The following TSKU variants were observed in gnomAD, a reference collection of about 807,000 sequenced individuals.
The protein encoded by TSKU is tsukushi, small leucine rich proteoglycan, also known as tsukushi.
In TSKU, 4 loss-of-function variants were observed where a neutral mutation model predicts 11.2. The ratio of observed to expected loss-of-function variants is 0.36; its 90% confidence interval spans 0.18 to 0.82. TSKU has a LOEUF of 0.82. Ranked by LOEUF, TSKU falls within the 40% of genes least tolerant of loss-of-function variation. The pLI is 0.50. For synonymous variants in TSKU, 220 were observed against 232.2 expected, an observed-to-expected ratio of 0.95 and a Z score of 0.48; for missense variants, 407 against 482.5, an observed-to-expected ratio of 0.84 and a Z score of 1.47.
intron 1 of TSKU, among the ~76,000 whole-genome samples, chr11:76,791,207 T>C (rs957263766): frequency 6.6e-6 from 1 of 152,234 alleles, no homozygotes; most frequent in Admixed American, 6.5e-5. Flanking sequence ...ACCTGGGTGC[T>C]GTTAAAGGCA....
chr11:76,794,708 G>A (rs1374891269), intron 1 of TSKU, among the ~76,000 whole-genome samples: 2 of 152,168 alleles, frequency 1.3e-5, no homozygotes, highest in Non-Finnish European at 2.9e-5. Context: ...AAAGAGGCTT[G>A]GGACAGGTGT....
intron 1 of TSKU, among the ~76,000 whole-genome samples, chr11:76,786,902 G>T (rs1300194710): frequency 1.3e-5 from 2 of 152,184 alleles, no homozygotes; most frequent in African/African-American, 4.8e-5. Flanking sequence ...CCTCTGGGAT[G>T]AATTGTGGAT....
At chr11:76,786,910 G>T (rs911136218) in intron 1 of TSKU, among the ~76,000 whole-genome samples, 1 of 152,152 alleles carries the variant, frequency 6.6e-6, no homozygotes, top group African/African-American at 2.4e-5. Context: ...ATGAATTGTG[G>T]ATTCTTCTCC....
chr11:76,790,435 C>T (rs543861470), intron 1 of TSKU, among the ~76,000 whole-genome samples: 56 of 152,322 alleles, frequency 3.7e-4, no homozygotes, highest in Admixed American at 5.9e-4. Context: ...GTGTTTCACA[C>T]GAACGATCTC....
rs573271793 is a variant in TSKU at position 76,784,749 on chromosome 11, G to C, written c.-9+1345G>C. On this transcript the variant is annotated intron_variant, in intron 1 of 1. Coordinates refer to ENST00000333090, the MANE Select transcript of TSKU (RefSeq NM_015516.4). ...AGTGCCTGGGGCTGACCGGAGGTGG[G>C]GGGGGGGGGGTGCTCAGAGCTGCAG... Among the ~76,000 whole-genome samples the C allele has an allele frequency of 1.2e-3, 164 of 134,402 alleles. 2 individuals are homozygous for C. The Middle Eastern group carries it at 0.022, about 18-fold the overall frequency. The allele number at this position is 134,402 out of a possible 152,430, so 88.2% of individuals were successfully genotyped here. A position where few individuals can be genotyped will look rare whatever the true frequency, so the allele number is the denominator to read the frequency against.
At chr11:76,784,756 G>C (rs531106566) in intron 1 of TSKU, among the ~76,000 whole-genome samples, 4 of 144,734 alleles carry the variant, frequency 2.8e-5, no homozygotes, top group East Asian at 2.0e-4. Context: ...TGGGGGGGGG[G>C]GGGTGCTCAG....
intron 1 of TSKU, among the ~76,000 whole-genome samples, chr11:76,789,438 G>A (rs1317089274): frequency 2.0e-5 from 3 of 152,222 alleles, no homozygotes; most frequent in African/African-American, 7.2e-5. Flanking sequence ...AGCAGTGTGT[G>A]CGGTGTCACC....
At chr11:76,794,437 G>C (rs1381476576) in intron 1 of TSKU, among the ~76,000 whole-genome samples, 1 of 152,208 alleles carries the variant, frequency 6.6e-6, no homozygotes, top group Non-Finnish European at 1.5e-5. Flanking sequence ...AGCCCCTCCT[G>C]CACCCTGCCT....
chr11:76,796,329 G>T lies in TSKU; in HGVS notation c.713G>T (p.Ser238Ile). ...LGGLTHLSLA[S>I]LQRLPELAPS... The stretch of plus-strand genomic sequence containing the variant: ...GGCCTTACACACCTGTCTCTGGCCA[G>T]CCTGCAGAGGCTCCCTGAGCTGGCG... The change falls in exon 2 of 2, where the codon AGC becomes ATC. Residue 238 changes from serine (S) to isoleucine (I), a missense_variant. Transcript: ENST00000333090. This position sits in a 1 kb window ranked among gnomAD's most constrained non-coding sequence, Gnocchi z 4.1. 1.2e-6 allele frequency: 2 copies of T among 1,613,362 alleles called. No homozygotes were observed. Among genetic ancestry groups the T allele is most frequent in the Non-Finnish European group, 1.7e-6 (2 of 1,180,014 alleles).
chr11:76,797,024 C>T lies in TSKU; in HGVS notation c.*346C>T, dbSNP rs933281448. 1 of 210,180 alleles carries T rather than the reference C, an allele frequency of 4.8e-6. No homozygotes were observed. The highest frequency in any genetic ancestry group is 1.0e-5 in the Non-Finnish European group (1 of 96,882). The allele number at this position is 210,180 out of a possible 1,614,324, so 13.0% of individuals were successfully genotyped here. A position where few individuals can be genotyped will look rare whatever the true frequency, so the allele number is the denominator to read the frequency against. On this transcript the variant is annotated 3_prime_UTR_variant, in exon 2 of 2. Coordinates refer to ENST00000333090, the MANE Select transcript of TSKU (RefSeq NM_015516.4). ...GCAATGGGCAGAGGGTGGGTGGGAC[C>T]CCCTGCTGCAGGGCAGAGTTCAGGT...
rs547902948 is a variant in TSKU at position 76,788,257 on chromosome 11, G to T, written c.-9+4853G>T. 2.0e-5 allele frequency among the ~76,000 whole-genome samples: 3 copies of T among 152,150 alleles called. No homozygotes were observed. In the East Asian group the frequency reaches 5.8e-4, roughly 29 times the overall value. On this transcript the variant is annotated intron_variant, in intron 1 of 1. Transcript: ENST00000333090. ...GGGGTGCTGGGGCCCTGTACCAGTG[G>T]GGCCCTGTGCCAACAGTGCCCTGTG...
Position 76,790,125 on chromosome 11 carries a change from G to A in TSKU, c.-8-5484G>A, listed in dbSNP as rs140976971. Among the ~76,000 whole-genome samples, 847 of 149,194 alleles carry A rather than the reference G, an allele frequency of 5.7e-3. 4 individuals are homozygous for A. The highest frequency in any genetic ancestry group is 0.02 in the African/African-American group (798 of 40,376). The stretch of plus-strand genomic sequence containing the variant: ...TGCTTTTGTTAAACTTTAAAATCCT[G>A]AAACTCTGGAGTTGGATTATCTAAA... On this transcript the variant is annotated intron_variant, in intron 1 of 1. Transcript: ENST00000333090.
intron 1 of TSKU, among the ~76,000 whole-genome samples, chr11:76,794,371 G>A (rs1944414117): frequency 6.6e-6 from 1 of 152,206 alleles, no homozygotes; most frequent in Non-Finnish European, 1.5e-5. Flanking sequence ...TGTACAGAGG[G>A]AACTGAGATC....
chr11:76,784,760 T>G (rs866763973), intron 1 of TSKU, among the ~76,000 whole-genome samples: 3,981 of 43,720 alleles, frequency 0.091, 91 homozygotes, highest in African/African-American at 0.34. Context: ...GGGGGGGGGG[T>G]GCTCAGAGCT....
chr11:76,796,209 C>T lies in TSKU; in HGVS notation c.593C>T (p.Ala198Val). 1 of 1,613,662 alleles carries T rather than the reference C, an allele frequency of 6.2e-7. No homozygotes were observed. Among genetic ancestry groups the T allele is most frequent in the Non-Finnish European group, 8.5e-7 (1 of 1,180,022 alleles). Residue 198 changes from alanine (A) to valine (V), a missense_variant, in exon 2 of 2, where the codon GCC becomes GTC. Ala to Val is a moderately conservative substitution (Grantham distance 64, BLOSUM62 0). Transcript: ENST00000333090. This position sits in a 1 kb window ranked among gnomAD's most constrained non-coding sequence, Gnocchi z 4.1. ...AACCTGGCCTGGAACCGGCTCCATGCCGTGCCCAACCTCCGAGACTTGCCC... is the reference window on the plus strand; with the variant it reads ...AACCTGGCCTGGAACCGGCTCCATGTCGTGCCCAACCTCCGAGACTTGCCC... Reference protein sequence around the residue: ...SLNLAWNRLHAVPNLRDLPLR... With the variant: ...SLNLAWNRLHVVPNLRDLPLR...
rs892686457 is a variant in TSKU, at chr11:76,796,568, C to T, written c.952C>T (p.Arg318Cys). The change falls in exon 2 of 2, where the codon CGC becomes TGC. Residue 318 changes from arginine (R) to cysteine (C), a missense_variant. By Grantham distance (180) the Arg-to-Cys change is radical (BLOSUM62 -3). Coordinates refer to ENST00000333090, the MANE Select transcript of TSKU (RefSeq NM_015516.4). The surrounding 1 kb of genome is among the most constrained non-coding windows in gnomAD (Gnocchi z 4.1). Reference sequence around the variant, plus strand: ...CGTGGGCCAGGATGTGCGGTGCCGGCGCCTGGTGCGGGAGGGCACCTACCC... The same window carrying T: ...CGTGGGCCAGGATGTGCGGTGCCGGTGCCTGGTGCGGGAGGGCACCTACCC... ...VSVGQDVRCR[R>C]LVREGTYPRR... is the part of the protein sequence containing the mutation. 7.0e-6 allele frequency: 11 copies of T among 1,577,090 alleles called. No homozygotes were observed. Among genetic ancestry groups the T allele is most frequent in the Middle Eastern group, 1.7e-4 (1 of 5,922 alleles).
chr11:76,786,614 A>G (rs1944314860), intron 1 of TSKU, among the ~76,000 whole-genome samples: 1 of 152,144 alleles, frequency 6.6e-6, no homozygotes, highest in Non-Finnish European at 1.5e-5. Flanking sequence ...GCCAGGAGCG[A>G]GGCTGTTGCA....
In TSKU at chr11:76,796,548, G is replaced by A. The variant is rs779494547; in HGVS notation, c.932G>A (p.Gly311Asp). 1 of 1,599,096 alleles carries A rather than the reference G, an allele frequency of 6.3e-7. No homozygotes were observed. Among genetic ancestry groups the A allele is most frequent in the Non-Finnish European group, 8.5e-7 (1 of 1,171,862 alleles). The change falls in exon 2 of 2, where the codon GGC becomes GAC. Residue 311 changes from glycine (G) to aspartate (D), a missense_variant. Gly to Asp is a moderately conservative substitution (Grantham distance 94, BLOSUM62 -1). Transcript: ENST00000333090. This position sits in a 1 kb window ranked among gnomAD's most constrained non-coding sequence, Gnocchi z 4.1. Reference protein sequence around the residue: ...HLPALQSVSVGQDVRCRRLVR... With the variant: ...HLPALQSVSVDQDVRCRRLVR... ...CCGGCACTGCAGAGCGTCAGCGTGG[G>A]CCAGGATGTGCGGTGCCGGCGCCTG...
At position 76,796,218 on chromosome 11, in the gene TSKU, A is replaced by G. The variant is rs1033316187; in HGVS notation, c.602A>G (p.Asn201Ser). The G allele has an allele frequency of 1.9e-6, 3 of 1,613,308 alleles. No individual in the cohort carries two copies. The highest frequency in any genetic ancestry group is 4.5e-5 in the East Asian group (2 of 44,868). ...LAWNRLHAVP[N>S]LRDLPLRYLS... ...TGGAACCGGCTCCATGCCGTGCCCA[A>G]CCTCCGAGACTTGCCCCTGCGCTAC... Residue 201 changes from asparagine (N) to serine (S), a missense_variant, in exon 2 of 2, where the codon AAC (asparagine) becomes AGC (serine). By Grantham distance (46) the Asn-to-Ser change is conservative (BLOSUM62 1). Coordinates refer to ENST00000333090, the MANE Select transcript of TSKU (RefSeq NM_015516.4). This position sits in a 1 kb window ranked among gnomAD's most constrained non-coding sequence, Gnocchi z 4.1.
Sources: allele counts gnomAD v4.1 joint callset (sites outside exome capture counted in the v4.1 genomes callset), GRCh38; gene constraint gnomAD v4.1.1; non-coding constraint Gnocchi (gnomAD v3.1); transcripts MANE v1.5; gene names NCBI Gene and HGNC (gene_info 2026-07-23, HGNC 2026-07-21).